The following TTC7A variants were observed in gnomAD, a reference collection of about 807,000 sequenced individuals.
TTC7A encodes tetratricopeptide repeat protein 7A.
Under a neutral mutation model 103.7 loss-of-function variants are expected in TTC7A, and 110 were observed. That is an observed-to-expected ratio of 1.06 (90% CI 0.91 to 1.24). The LOEUF (loss-of-function observed/expected upper bound fraction) is 1.24. Ranked by LOEUF, TTC7A falls within the 50% of genes most tolerant of loss-of-function variation. The probability of loss-of-function intolerance (pLI) is 0.00; values close to 1 mark genes in which losing one functional copy is unlikely to be tolerated. For missense variants in TTC7A, 1,340 were observed against 1,116.3 expected (o/e 1.20, Z -2.86); for synonymous variants, 521 against 467.9 (o/e 1.11, Z -1.47).
chr2:46,947,303 G>A (rs1341651053), intron 1 of TTC7A, among the ~76,000 whole-genome samples: 2 of 152,068 alleles, frequency 1.3e-5, no homozygotes, highest in Non-Finnish European at 2.9e-5. Context: ...ATGAAATGAT[G>A]CTATATAAAA....
chr2:46,971,428 A>G (rs114379154), intron 3 of TTC7A, among the ~76,000 whole-genome samples: 1 of 152,162 alleles, frequency 6.6e-6, no homozygotes, highest in Non-Finnish European at 1.5e-5. Flanking sequence ...AGTTGGGAGC[A>G]GGAGGTTAGT....
In TTC7A at chr2:47,074,014, C is replaced by G; in HGVS notation, c.*91C>G. The G allele has an allele frequency of 1.0e-6, 1 of 993,278 alleles. No homozygotes were observed. The highest frequency in any genetic ancestry group is 1.5e-6 in the Non-Finnish European group (1 of 669,950). 61.5% of individuals were successfully genotyped at this position (993,278 alleles called of 1,614,324 possible). ...GGTGGGGCAACAGTGGCATCAGGTG[C>G]GGGGCCTCAGGGAAATACATCTTTA... On this transcript the variant is annotated 3_prime_UTR_variant, in exon 20 of 20. Transcript: ENST00000319190.
chr2:46,923,208 T>C (rs1397768877), intron 2 of TTC7A, among the ~76,000 whole-genome samples: 1 of 152,188 alleles, frequency 6.6e-6, no homozygotes, highest in Non-Finnish European at 1.5e-5. Context: ...TTATGGAGGC[T>C]TTATTACATA....
intron 17 of TTC7A, among the ~76,000 whole-genome samples, chr2:47,051,421 ATC>A (rs1416580392): frequency 2.6e-5 from 4 of 152,212 alleles, no homozygotes; most frequent in African/African-American, 7.2e-5. Flanking sequence ...TTTTTAATCA[ATC>A]CCTATTGTTG....
intron 12 of TTC7A, among the ~76,000 whole-genome samples, chr2:47,022,641 C>T (rs746298821): frequency 2.0e-5 from 3 of 152,064 alleles, no homozygotes; most frequent in Non-Finnish European, 2.9e-5. Context: ...AGTAATCAGC[C>T]CATGCCCACC....
chr2:46,990,167 CA>C (rs1675483389), intron 5 of TTC7A, among the ~76,000 whole-genome samples: 1 of 152,222 alleles, frequency 6.6e-6, no homozygotes, highest in South Asian at 2.1e-4. Flanking sequence ...CAGAATCAGC[CA>C]GTTCTTTTCT....
intron 8 of TTC7A, chr2:46,999,794 C>A: frequency 4.1e-6 from 4 of 985,442 alleles, no homozygotes; most frequent in Non-Finnish European, 4.8e-6. Context: ...CTAAAGTAAA[C>A]TGAACCCTTG....
In TTC7A at chr2:46,996,678, C is replaced by T. The variant is rs184493501; in HGVS notation, c.1065+1479C>T. Among the ~76,000 whole-genome samples, 305 of 152,312 alleles carry T rather than the reference C, an allele frequency of 2.0e-3. 2 individuals carry two copies. Among genetic ancestry groups the T allele is most frequent in the African/African-American group, 6.9e-3 (286 of 41,572 alleles). On this transcript the variant is annotated intron_variant, in intron 8 of 19. Transcript: ENST00000319190. ...CAGGGTGTTGCCCTAAAATGTTTGC[C>T]TGTGAGGTGGGTAAGTGGTTGCCCA... is the stretch of plus-strand genomic sequence containing the variant.
chr2:47,021,288 G>A (rs183933345), intron 11 of TTC7A, among the ~76,000 whole-genome samples: 49 of 152,288 alleles, frequency 3.2e-4, no homozygotes, highest in Non-Finnish European at 5.9e-4. Context: ...GTGTCCCCAG[G>A]CCCACCTTGT....
intron 18 of TTC7A, chr2:47,054,217 T>G (rs898246240): frequency 3.8e-5 from 37 of 963,910 alleles, no homozygotes; most frequent in Admixed American, 1.9e-4. Flanking sequence ...AAAATAGCAG[T>G]GTCTTGCACA....
intron 2 of TTC7A, among the ~76,000 whole-genome samples, chr2:46,922,370 G>A (rs780050647): frequency 6.6e-6 from 1 of 152,130 alleles, no homozygotes; most frequent in African/African-American, 2.4e-5. Context: ...TGTGGCCTGG[G>A]CTGAGGCTAT....
At chr2:46,941,122 A>G (rs951243437), upstream of TTC7A, 1 of 147,560 alleles carries the variant, frequency 6.8e-6, no homozygotes, top group Non-Finnish European at 1.5e-5. The surrounding 1 kb of genome is among the most constrained non-coding windows in gnomAD (Gnocchi z 4.2). Flanking sequence ...GCTGGCAGCC[A>G]GCGAGCCCGG....
chr2:46,961,576 C>CAAATAAATAAATAAATAAAT (rs58889946), intron 3 of TTC7A, among the ~76,000 whole-genome samples: 8,563 of 134,976 alleles, frequency 0.063, 326 homozygotes, highest in East Asian at 0.094. Flanking sequence ...GACTCCATCT[C>CAAATAAATAAATAAATAAAT]AAATAAATAA....
At position 47,036,312 on chromosome 2, in the gene TTC7A, G is replaced by T. The variant is rs143663349; in HGVS notation, c.1802+6928G>T. Among the ~76,000 whole-genome samples the T allele has an allele frequency of 3.6e-4, 55 of 152,338 alleles. 2 individuals are homozygous for T. In the East Asian group the frequency reaches 4.2e-3, roughly 12 times the overall value. On this transcript the variant is annotated intron_variant, in intron 15 of 19. Transcript: ENST00000319190. Reference sequence around the variant, plus strand: ...TAACTTCAGGAAACCAAAGCTTTCAGGCTGTTGATTTTTAAAGCTTCAAAG... The same window carrying T: ...TAACTTCAGGAAACCAAAGCTTTCATGCTGTTGATTTTTAAAGCTTCAAAG...
At chr2:47,022,811 T>A (rs1679444135) in intron 12 of TTC7A, among the ~76,000 whole-genome samples, 1 of 152,240 alleles carries the variant, frequency 6.6e-6, no homozygotes, top group South Asian at 2.1e-4. Flanking sequence ...CCTTGTCCTT[T>A]TAACTCTACA....
At chr2:47,032,614 A>C (rs937233017) in intron 15 of TTC7A, among the ~76,000 whole-genome samples, 1 of 151,712 alleles carries the variant, frequency 6.6e-6, no homozygotes, top group Non-Finnish European at 1.5e-5. Context: ...GCATTTGGGG[A>C]TCTGCAGGCC....
intron 1 of TTC7A, among the ~76,000 whole-genome samples, chr2:46,947,681 C>T (rs1027699178): frequency 3.9e-5 from 6 of 152,134 alleles, no homozygotes; most frequent in African/African-American, 7.2e-5. Context: ...TGTGCCATTG[C>T]GCTTCAGCCT....
intron 5 of TTC7A, among the ~76,000 whole-genome samples, chr2:46,987,808 G>A (rs1250718656): frequency 2.7e-5 from 3 of 112,804 alleles, no homozygotes; most frequent in Admixed American, 1.8e-4. Flanking sequence ...CCCTTTCCGC[G>A]CGTGTGTGTG....
intron 2 of TTC7A, among the ~76,000 whole-genome samples, chr2:46,935,272 C>G (rs762878000): frequency 6.6e-6 from 1 of 152,148 alleles, no homozygotes; most frequent in Non-Finnish European, 1.5e-5. Context: ...CCTCCCCACA[C>G]TCTTTCATCC....
Sources: gnomAD v4.1 joint callset for allele counts (sites outside exome capture counted in the v4.1 genomes callset) on GRCh38, gnomAD v4.1.1 for gene constraint, Gnocchi (gnomAD v3.1) non-coding constraint, MANE v1.5 for transcripts, NCBI Gene and HGNC (gene_info 2026-07-23, HGNC 2026-07-21) for gene names.